LRMDA: variants seen among roughly 807,000 people sequenced by gnomAD.
LRMDA encodes leucine rich melanocyte differentiation associated, also known as leucine-rich melanocyte differentiation-associated protein.
Under a neutral mutation model 29.8 loss-of-function variants are expected in LRMDA, and 18 were observed. The observed-to-expected ratio is 0.60, with a 90% CI of 0.42 to 0.90. LRMDA has a LOEUF of 0.90. LRMDA is among the 40% of genes least tolerant of loss of function. LRMDA has a pLI of 0.00. For missense variants in LRMDA, 273 were observed against 273.9 expected, an observed-to-expected ratio of 1.00 and a Z score of 0.02; for synonymous variants, 125 against 109.4, an observed-to-expected ratio of 1.14 and a Z score of -0.89.
At chr10:76,266,030 C>T (rs1840002835) in intron 5 of LRMDA, among the ~76,000 whole-genome samples, 1 of 152,086 alleles carries the variant, frequency 6.6e-6, no homozygotes, top group South Asian at 2.1e-4. Flanking sequence ...CTGGCCATCA[C>T]CCTTAATCCC....
chr10:76,414,681 C>A (rs1841996808), intron 6 of LRMDA, among the ~76,000 whole-genome samples: 1 of 152,146 alleles, frequency 6.6e-6, no homozygotes, highest in African/African-American at 2.4e-5. Context: ...CCTCTGTGTT[C>A]TCCTCTTCTG....
At chr10:75,973,078 C>T (rs1057212221) in intron 2 of LRMDA, among the ~76,000 whole-genome samples, 1 of 143,272 alleles carries the variant, frequency 7.0e-6, no homozygotes, top group African/African-American at 2.5e-5. Flanking sequence ...AGCAGCTACT[C>T]CTGTTTACGT....
At chr10:75,626,778 C>A (rs1216520178) in intron 2 of LRMDA, among the ~76,000 whole-genome samples, 1 of 152,142 alleles carries the variant, frequency 6.6e-6, no homozygotes, top group African/African-American at 2.4e-5. Flanking sequence ...GCCTGTATGG[C>A]CTGATGGTTG....
At chr10:76,205,300 A>C (rs72815602) in intron 5 of LRMDA, among the ~76,000 whole-genome samples, 3,400 of 152,238 alleles carry the variant, frequency 0.022, 57 homozygotes, top group Non-Finnish European at 0.032. Flanking sequence ...TCTCCATATA[A>C]AGAAGGATAT....
At chr10:76,481,567 A>G (rs2132327002) in intron 6 of LRMDA, among the ~76,000 whole-genome samples, 1 of 152,060 alleles carries the variant, frequency 6.6e-6, no homozygotes, top group South Asian at 2.1e-4. Flanking sequence ...TAAAAGAAAT[A>G]GCTAATTATG....
At chr10:76,394,321 G>A (rs1183908648) in intron 6 of LRMDA, among the ~76,000 whole-genome samples, 1 of 152,104 alleles carries the variant, frequency 6.6e-6, no homozygotes, top group Non-Finnish European at 1.5e-5. Flanking sequence ...TCAAGTACGT[G>A]GGAGGTAAGA....
intron 5 of LRMDA, among the ~76,000 whole-genome samples, chr10:76,158,524 A>G (rs1289914853): frequency 6.6e-6 from 1 of 152,174 alleles, no homozygotes. Context: ...ATGAAAACTG[A>G]TATATTTTTT....
At chr10:75,842,630 T>C (rs899272248) in intron 2 of LRMDA, among the ~76,000 whole-genome samples, 1 of 152,248 alleles carries the variant, frequency 6.6e-6, no homozygotes, top group Non-Finnish European at 1.5e-5. Context: ...GCATGTGGTA[T>C]GGCGAATGCT....
At chr10:76,385,055 T>A (rs1399772839) in intron 6 of LRMDA, among the ~76,000 whole-genome samples, 1 of 152,146 alleles carries the variant, frequency 6.6e-6, no homozygotes, top group Non-Finnish European at 1.5e-5. Context: ...AAAATTCCAA[T>A]AGCAAGAGTA....
chr10:75,645,101 G>T (rs1435038367), intron 2 of LRMDA, among the ~76,000 whole-genome samples: 2 of 151,554 alleles, frequency 1.3e-5, no homozygotes, highest in Non-Finnish European at 2.9e-5. Context: ...TCCTTCCTCA[G>T]TCTCCTGAGT....
intron 2 of LRMDA, among the ~76,000 whole-genome samples, chr10:75,773,420 G>T (rs1589195678): frequency 6.6e-6 from 1 of 152,194 alleles, no homozygotes; most frequent in African/African-American, 2.4e-5. Flanking sequence ...GTGACTCATG[G>T]TGGTGAATCT....
chr10:76,017,471 A>T (rs1018299470), intron 2 of LRMDA, among the ~76,000 whole-genome samples: 2 of 152,236 alleles, frequency 1.3e-5, no homozygotes, highest in Non-Finnish European at 2.9e-5. Context: ...TTGCAACAAT[A>T]GCCCAAGGAA....
At chr10:76,557,145 C>A in intron 6 of LRMDA, 64 bp from the exon 7 acceptor site, 1 of 1,302,118 alleles carries the variant, frequency 7.7e-7, no homozygotes, top group Non-Finnish European at 1.1e-6. Flanking sequence ...TGCTTTTCAG[C>A]ACCTGTGTTT....
intron 2 of LRMDA, among the ~76,000 whole-genome samples, chr10:76,031,282 T>C (rs931617060): frequency 1.3e-5 from 2 of 152,154 alleles, no homozygotes; most frequent in African/African-American, 4.8e-5. Flanking sequence ...AGAACTGGTA[T>C]ACCCATGCAG....
intron 5 of LRMDA, among the ~76,000 whole-genome samples, chr10:76,197,375 G>A (rs139160627): frequency 2.0e-5 from 3 of 152,142 alleles, no homozygotes; most frequent in African/African-American, 4.8e-5. Flanking sequence ...TTATTTTATT[G>A]CATTTCATTT....
At chr10:75,659,383 G>C (rs1325931458) in intron 2 of LRMDA, among the ~76,000 whole-genome samples, 2 of 150,378 alleles carry the variant, frequency 1.3e-5, no homozygotes, top group African/African-American at 4.9e-5. Flanking sequence ...TTCTTCCCCA[G>C]CTTTATTTGA....
At chr10:75,591,323 T>C (rs1370362190) in intron 2 of LRMDA, among the ~76,000 whole-genome samples, 2 of 152,248 alleles carry the variant, frequency 1.3e-5, no homozygotes, top group Non-Finnish European at 2.9e-5. Flanking sequence ...CTTATTTCTT[T>C]GTTTTAGTAA....
chr10:76,348,719 T>A (rs1841139044), intron 6 of LRMDA, among the ~76,000 whole-genome samples: 1 of 152,172 alleles, frequency 6.6e-6, no homozygotes, highest in African/African-American at 2.4e-5. Flanking sequence ...AATCTATGAT[T>A]AGGTATTTGC....
At chr10:75,936,799 C>T (rs987070003) in intron 2 of LRMDA, among the ~76,000 whole-genome samples, 1 of 152,168 alleles carries the variant, frequency 6.6e-6, no homozygotes, top group African/African-American at 2.4e-5. Context: ...ATGACCTCAC[C>T]ACCTCCCAAA....
Sources: allele counts gnomAD v4.1 joint callset (sites outside exome capture counted in the v4.1 genomes callset), GRCh38; gene constraint gnomAD v4.1.1; transcripts MANE v1.5; gene names NCBI Gene and HGNC (gene_info 2026-07-23, HGNC 2026-07-21).